PCDHGA11: variants seen among roughly 807,000 people sequenced by gnomAD.
The protein encoded by PCDHGA11 is protocadherin gamma subfamily A, 11.
PCDHGA11 carries 39 observed loss-of-function variants against 60.4 expected under a neutral mutation model. The observed-to-expected ratio is 0.65, with a 90% CI of 0.50 to 0.84. The LOEUF is 0.84. Ranked by LOEUF, PCDHGA11 falls within the 40% of genes least tolerant of loss-of-function variation. The pLI is 0.00. For missense variants in PCDHGA11, 1,165 were observed against 1,197.7 expected (o/e 0.97, Z 0.40); for synonymous variants, 533 against 510.3 (o/e 1.04, Z -0.60).
In PCDHGA11 at chr5:141,477,767, A is replaced by G. The variant is rs1178354274; in HGVS notation, c.2434-17040A>G. 6.2e-7 allele frequency: 1 copy of G among 1,613,906 alleles called. No homozygotes were observed. The highest frequency in any genetic ancestry group is 8.5e-7 in the Non-Finnish European group (1 of 1,180,038). On this transcript the variant is annotated intron_variant, in intron 1 of 3. Coordinates refer to ENST00000398587, the MANE Select transcript of PCDHGA11 (RefSeq NM_018914.3). The surrounding 1 kb of genome is among the most constrained non-coding windows in gnomAD (Gnocchi z 4.9). ...GGGCACCCCGGTCCTAGCCACCAAC[A>G]TCAGCGTGAACATATTTGTCACTGA...
intron 1 of PCDHGA11, among the ~76,000 whole-genome samples, chr5:141,450,894 G>A (rs919860611): frequency 2.7e-5 from 4 of 148,956 alleles, no homozygotes; most frequent in Admixed American, 1.3e-4. Context: ...GTGCGATATC[G>A]GCTCACTGCA....
chr5:141,484,374 T>C (rs1261372490), intron 1 of PCDHGA11, among the ~76,000 whole-genome samples: 1 of 152,186 alleles, frequency 6.6e-6, no homozygotes, highest in Non-Finnish European at 1.5e-5. Context: ...CACTAGCAAA[T>C]GTCTGAATAA....
At chr5:141,480,738 T>C (rs2099524955) in intron 1 of PCDHGA11, among the ~76,000 whole-genome samples, 1 of 152,124 alleles carries the variant, frequency 6.6e-6, no homozygotes, top group Admixed American at 6.5e-5. Flanking sequence ...GGGTGGGACA[T>C]AGGCATCATT....
Position 141,422,467 on chromosome 5 carries a change from G to A in PCDHGA11, c.1240G>A (p.Glu414Lys), listed in dbSNP as rs1380910490. The A allele has an allele frequency of 6.2e-7, 1 of 1,613,664 alleles. No individual in the cohort carries two copies. The highest frequency in any genetic ancestry group is 8.5e-7 in the Non-Finnish European group (1 of 1,179,764). The change falls in exon 1 of 4, where the codon GAG becomes AAG. Residue 414 changes from glutamate to lysine, a missense_variant. Coordinates refer to ENST00000398587, the MANE Select transcript of PCDHGA11 (RefSeq NM_018914.3). ...KLITSRVLDRELVQSYNITLT... is the reference protein window; with the variant it reads ...KLITSRVLDRKLVQSYNITLT... ...GATAACAAGCAGAGTGCTGGACAGG[G>A]AGTTGGTCCAGAGCTACAATATAAC... is the stretch of plus-strand genomic sequence containing the variant.
rs2096717258 is a variant in PCDHGA11 at position 141,423,173 on chromosome 5, A to T, written c.1946A>T (p.Asp649Val). Residue 649 changes from aspartate to valine, a missense_variant, in exon 1 of 4, where the codon GAC becomes GTC. By Grantham distance (152) the Asp-to-Val change is radical. Transcript: ENST00000398587. ...LKQSLVVAVQ[D>V]HGQPPLSATV... is the part of the protein sequence containing the mutation. ...CAGAGCCTCGTGGTGGCCGTCCAGGACCACGGCCAGCCCCCTCTCTCGGCC... is the reference window on the plus strand; with the variant it reads ...CAGAGCCTCGTGGTGGCCGTCCAGGTCCACGGCCAGCCCCCTCTCTCGGCC... 6.2e-7 allele frequency: 1 copy of T among 1,613,330 alleles called. No individual in the cohort carries two copies. The highest frequency in any genetic ancestry group is 1.1e-5 in the South Asian group (1 of 91,054).
chr5:141,496,737 C>T (rs900394639), intron 2 of PCDHGA11, among the ~76,000 whole-genome samples: 9 of 152,168 alleles, frequency 5.9e-5, no homozygotes, highest in African/African-American at 2.2e-4. Context: ...TTCATTCGTT[C>T]ATTTATTCAA....
At position 141,489,297 on chromosome 5, in the gene PCDHGA11, G is replaced by A. The variant is rs184934961; in HGVS notation, c.2434-5510G>A. 5.1e-6 allele frequency: 8 copies of A among 1,583,774 alleles called. No homozygotes were observed. Among genetic ancestry groups the A allele is most frequent in the Non-Finnish European group, 6.9e-6 (8 of 1,164,904 alleles). ...GGAAATGGCAAGTGCTGTGCATGTT[G>A]TCCTTGTGCTGCTGGGGCTGGGTGT... is the stretch of plus-strand genomic sequence containing the variant. On this transcript the variant is annotated intron_variant, in intron 1 of 3. Coordinates refer to ENST00000398587, the MANE Select transcript of PCDHGA11 (RefSeq NM_018914.3). This position sits in a 1 kb window ranked among gnomAD's most constrained non-coding sequence, Gnocchi z 4.5.
At chr5:141,498,073 T>C (rs1474889879) in intron 2 of PCDHGA11, among the ~76,000 whole-genome samples, 1 of 152,214 alleles carries the variant, frequency 6.6e-6, no homozygotes, top group Non-Finnish European at 1.5e-5. Context: ...CTGTCATAAG[T>C]GCTAGGTAGA....
intron 1 of PCDHGA11, among the ~76,000 whole-genome samples, chr5:141,483,553 C>G (rs955671854): frequency 2.0e-5 from 3 of 152,230 alleles, no homozygotes; most frequent in Admixed American, 2.0e-4. Context: ...CAGTGCCATT[C>G]ACAGAGACAG....
At chr5:141,423,874 A>T (rs1264795133) in intron 1 of PCDHGA11, 2 of 1,283,268 alleles carry the variant, frequency 1.6e-6, no homozygotes, top group African/African-American at 3.1e-5. Flanking sequence ...GTCATTTTTC[A>T]ATCTTGGCAT....
intron 1 of PCDHGA11, among the ~76,000 whole-genome samples, chr5:141,468,994 T>C (rs2099188173): frequency 6.7e-6 from 1 of 148,824 alleles, no homozygotes; most frequent in Non-Finnish European, 1.5e-5. Context: ...ATTATTGTTT[T>C]TGCTGGGTGC....
In PCDHGA11 at chr5:141,477,491, C is replaced by T; in HGVS notation, c.2434-17316C>T. 1 of 1,614,154 alleles carries T rather than the reference C, an allele frequency of 6.2e-7. No homozygotes were observed. The highest frequency in any genetic ancestry group is 8.5e-7 in the Non-Finnish European group (1 of 1,180,022). On this transcript the variant is annotated intron_variant, in intron 1 of 3. Coordinates refer to ENST00000398587, the MANE Select transcript of PCDHGA11 (RefSeq NM_018914.3). The surrounding 1 kb of genome is among the most constrained non-coding windows in gnomAD (Gnocchi z 4.9). ...CAATGACAACCCTCCACAATCTTCT[C>T]AATCTTCCTACGACGTTTACATTGA...
At chr5:141,499,061 G>A (rs1300036203) in intron 2 of PCDHGA11, among the ~76,000 whole-genome samples, 1 of 151,914 alleles carries the variant, frequency 6.6e-6, no homozygotes, top group African/African-American at 2.4e-5. Flanking sequence ...AAATGAAGAA[G>A]ACTTACATTC....
intron 2 of PCDHGA11, among the ~76,000 whole-genome samples, chr5:141,502,537 G>A (rs900570745): frequency 2.0e-5 from 3 of 152,042 alleles, no homozygotes; most frequent in Admixed American, 6.6e-5. Context: ...GTTTGTTCGT[G>A]TGGTAAAAAC....
intron 1 of PCDHGA11, chr5:141,478,541 G>T (rs905837179): frequency 1.2e-6 from 2 of 1,605,590 alleles, no homozygotes; most frequent in Non-Finnish European, 1.7e-6. Flanking sequence ...CGCCCCTCCC[G>T]GACAGGTAAG....
intron 1 of PCDHGA11, chr5:141,441,529 A>C (rs1042479748): frequency 4.6e-5 from 8 of 172,366 alleles, no homozygotes; most frequent in African/African-American, 1.9e-4. Flanking sequence ...GGCCAAGAAC[A>C]ATCTTCCCAA....
rs188916402 is a variant in PCDHGA11, at chr5:141,473,975, G to A, written c.2434-20832G>A. 4.6e-5 allele frequency among the ~76,000 whole-genome samples: 7 copies of A among 152,222 alleles called. No homozygotes were observed. The East Asian group carries it at 7.7e-4, about 17-fold the overall frequency. ...TCCCATCTACTTAGAAGTCTGAGGCGGGAGGATCCCTTGAGCCCAAGGAGC... is the reference window on the plus strand; with the variant it reads ...TCCCATCTACTTAGAAGTCTGAGGCAGGAGGATCCCTTGAGCCCAAGGAGC... On this transcript the variant is annotated intron_variant, in intron 1 of 3. Transcript: ENST00000398587.
At chr5:141,466,898 A>G (rs1029507733) in intron 1 of PCDHGA11, among the ~76,000 whole-genome samples, 1 of 152,170 alleles carries the variant, frequency 6.6e-6, no homozygotes, top group African/African-American at 2.4e-5. Context: ...TTTTCCATGA[A>G]GTTTTTGAAA....
At position 141,423,342 on chromosome 5, in the gene PCDHGA11, C is replaced by A; in HGVS notation, c.2115C>A (p.Phe705Leu). 6.2e-7 allele frequency: 1 copy of A among 1,613,824 alleles called. No individual in the cohort carries two copies. The highest frequency in any genetic ancestry group is 1.1e-5 in the South Asian group (1 of 91,084). ...CGGTGGCCGCAGTCTCCTGCATCTT[C>A]CTGGTCTTTGTCATCGTGCTGCTGG... ...VVAVAAVSCI[F>L]LVFVIVLLAL... The change falls in exon 1 of 4, where the codon TTC (phenylalanine) becomes TTA (leucine). Residue 705 changes from phenylalanine (F) to leucine (L), a missense_variant. Transcript: ENST00000398587.
Sources: gnomAD v4.1 joint callset for allele counts (sites outside exome capture counted in the v4.1 genomes callset) on GRCh38, gnomAD v4.1.1 for gene constraint, Gnocchi (gnomAD v3.1) non-coding constraint, MANE v1.5 for transcripts, NCBI Gene and HGNC (gene_info 2026-07-23, HGNC 2026-07-21) for gene names.